HDAC4: variants seen among roughly 807,000 people sequenced by gnomAD.
HDAC4 encodes the protein histone deacetylase A.
A neutral mutation model predicts 135.1 loss-of-function variants in HDAC4; 16 were observed. The observed-to-expected ratio is 0.12, with a 90% confidence interval of 0.08 to 0.18. The LOEUF is 0.18. Ranked by LOEUF, HDAC4 falls within the 10% of genes least tolerant of loss-of-function variation. The probability of loss-of-function intolerance (pLI) is 1.00; values close to 1 mark genes in which losing one functional copy is unlikely to be tolerated. For synonymous variants in HDAC4, 685 were observed against 653.4 expected, an observed-to-expected ratio of 1.05 and a Z score of -0.74; for missense variants, 1,143 against 1,511.8, an observed-to-expected ratio of 0.76 and a Z score of 4.05.
intron 26 of HDAC4, 104 bp from the exon 27 acceptor site, chr2:239,053,240 G>T: frequency 6.8e-7 from 1 of 1,472,444 alleles, no homozygotes; most frequent in Non-Finnish European, 9.4e-7. Context: ...CCACCCGCCA[G>T]CCTAGCCCTG....
chr2:239,235,964 C>T (rs936066216), intron 3 of HDAC4, among the ~76,000 whole-genome samples: 2 of 152,118 alleles, frequency 1.3e-5, no homozygotes, highest in African/African-American at 2.4e-5. Context: ...CGCTTGAACC[C>T]GGGAGGTGGA....
intron 3 of HDAC4, among the ~76,000 whole-genome samples, chr2:239,195,680 G>A (rs1336342888): frequency 1.3e-5 from 2 of 152,208 alleles, no homozygotes; most frequent in Non-Finnish European, 2.9e-5. Flanking sequence ...CTTAAAGAAT[G>A]CAGCATCAAA....
chr2:239,231,963 C>T (rs1320791281), intron 3 of HDAC4, among the ~76,000 whole-genome samples: 3 of 129,116 alleles, frequency 2.3e-5, no homozygotes, highest in African/African-American at 8.3e-5. Flanking sequence ...AGCACCTGCT[C>T]CCGGATGCCT....
chr2:239,100,745 C>A (rs992162544), intron 16 of HDAC4, among the ~76,000 whole-genome samples: 1 of 152,188 alleles, frequency 6.6e-6, no homozygotes, highest in Non-Finnish European at 1.5e-5. Context: ...GTCAAATCCA[C>A]AGAGGGGTCT....
At chr2:239,194,217 T>C (rs968492203) in intron 3 of HDAC4, among the ~76,000 whole-genome samples, 1 of 152,230 alleles carries the variant, frequency 6.6e-6, no homozygotes, top group African/African-American at 2.4e-5. Flanking sequence ...CTGGATAACC[T>C]ACACAACTCA....
chr2:239,343,790 G>A (rs183676451), intron 2 of HDAC4, among the ~76,000 whole-genome samples: 102 of 152,354 alleles, frequency 6.7e-4, no homozygotes, highest in African/African-American at 2.4e-3. Flanking sequence ...CACACTCCTT[G>A]AGGGAAGGTG....
At chr2:239,229,838 A>G (rs1343576438) in intron 3 of HDAC4, among the ~76,000 whole-genome samples, 2 of 152,166 alleles carry the variant, frequency 1.3e-5, no homozygotes, top group African/African-American at 4.8e-5. Flanking sequence ...AATGTCTCCT[A>G]TGGGACTTTA....
chr2:239,194,809 GGGCA>G (rs2045258764), intron 3 of HDAC4, among the ~76,000 whole-genome samples: 1 of 152,240 alleles, frequency 6.6e-6, no homozygotes. Context: ...AGGAGGAGGA[GGGCA>G]GGCAGGCAGG....
At chr2:239,371,337 ACACACTCAAACACG>A (rs1022413454) in intron 1 of HDAC4, among the ~76,000 whole-genome samples, 8 of 151,844 alleles carry the variant, frequency 5.3e-5, no homozygotes, top group Admixed American at 2.0e-4. Context: ...ACAATCATGA[ACACACTCAAACACG>A]CACACTCAAA....
intron 3 of HDAC4, among the ~76,000 whole-genome samples, chr2:239,198,841 C>T (rs529929485): frequency 2.6e-5 from 4 of 152,192 alleles, no homozygotes; most frequent in Admixed American, 1.3e-4. Context: ...GTAATCAAGC[C>T]GATCTCAGGT....
intron 5 of HDAC4, among the ~76,000 whole-genome samples, chr2:239,174,088 C>A (rs1209966306): frequency 6.6e-6 from 1 of 152,054 alleles, no homozygotes; most frequent in East Asian, 1.9e-4. Context: ...ACAATCAGCT[C>A]CTAGGAGATA....
chr2:239,216,219 T>C (rs2046626316), intron 3 of HDAC4, among the ~76,000 whole-genome samples: 1 of 152,012 alleles, frequency 6.6e-6, no homozygotes, highest in Non-Finnish European at 1.5e-5. Flanking sequence ...CACATAGATA[T>C]TCACACATAC....
chr2:239,215,994 A>C (rs2153108394), intron 3 of HDAC4, among the ~76,000 whole-genome samples: 1 of 152,346 alleles, frequency 6.6e-6, no homozygotes, highest in Non-Finnish European at 1.5e-5. Context: ...TTTATTTTAA[A>C]ATAATAGGTA....
chr2:239,231,464 GTGGGGGGCACA>G (rs2047551764), intron 3 of HDAC4, among the ~76,000 whole-genome samples: 1 of 151,988 alleles, frequency 6.6e-6, no homozygotes, highest in Non-Finnish European at 1.5e-5. Flanking sequence ...TGTAGGAGCA[GTGGGGGGCACA>G]GGAGCCAGGG....
chr2:239,071,550 T>TG (rs1237617917), intron 22 of HDAC4, among the ~76,000 whole-genome samples: 1 of 152,170 alleles, frequency 6.6e-6, no homozygotes, highest in African/African-American at 2.4e-5. Flanking sequence ...CAACATGCCT[T>TG]GGGCATTCCC....
intron 22 of HDAC4, among the ~76,000 whole-genome samples, chr2:239,071,921 G>A (rs1574909821): frequency 1.3e-5 from 2 of 152,170 alleles, no homozygotes; most frequent in Admixed American, 6.6e-5. Flanking sequence ...TACAATTAGG[G>A]CATGAACTGG....
intron 17 of HDAC4, among the ~76,000 whole-genome samples, chr2:239,090,670 C>T (rs368354065): frequency 8.3e-4 from 124 of 149,794 alleles, no homozygotes; most frequent in African/African-American, 3.0e-3. Flanking sequence ...AAACTGGAAA[C>T]TTTTTGAGCG....
chr2:239,380,819 T>C (rs1467196027), intron 1 of HDAC4, among the ~76,000 whole-genome samples: 2 of 152,140 alleles, frequency 1.3e-5, no homozygotes, highest in African/African-American at 2.4e-5. Context: ...TTCAGAGGCA[T>C]TGCTGCTGCC....
At chr2:239,072,563 C>T (rs1266592498) in intron 22 of HDAC4, among the ~76,000 whole-genome samples, 1 of 152,204 alleles carries the variant, frequency 6.6e-6, no homozygotes, top group African/African-American at 2.4e-5. Context: ...TGGGCGCCTC[C>T]CTTCATATGG....
Sources: allele counts gnomAD v4.1 joint callset (sites outside exome capture counted in the v4.1 genomes callset), GRCh38; gene constraint gnomAD v4.1.1; transcripts MANE v1.5; gene names NCBI Gene and HGNC (gene_info 2026-07-23, HGNC 2026-07-21).